Variants in EYS observed in about 807,000 individuals in gnomAD.
The protein encoded by EYS is protein eyes shut homolog.
In EYS, 250 loss-of-function variants were observed where a neutral mutation model predicts 282.1. The observed-to-expected ratio is 0.89, with a 90% CI of 0.80 to 0.98. EYS has a LOEUF of 0.98. EYS is among the 50% of genes least tolerant of loss of function. EYS has a pLI of 0.00. For synonymous variants in EYS, 1,355 were observed against 1,282.9 expected, an observed-to-expected ratio of 1.06 and a Z score of -1.20; for missense variants, 4,016 against 3,709.0, an observed-to-expected ratio of 1.08 and a Z score of -2.15.
intron 5 of EYS, among the ~76,000 whole-genome samples, chr6:65,453,268 A>C (rs1017651071): frequency 6.6e-6 from 1 of 152,002 alleles, no homozygotes; most frequent in Non-Finnish European, 1.5e-5. Context: ...GTAGGCTAGG[A>C]CATTTAGATA....
intron 22 of EYS, among the ~76,000 whole-genome samples, chr6:64,647,834 T>C (rs1201484041): frequency 6.6e-6 from 1 of 152,186 alleles, no homozygotes; most frequent in Non-Finnish European, 1.5e-5. Context: ...TAGGAACCTT[T>C]TTGCTTATTT....
intron 34 of EYS, among the ~76,000 whole-genome samples, chr6:63,997,060 T>C (rs908073798): frequency 5.9e-5 from 9 of 152,338 alleles, no homozygotes; most frequent in African/African-American, 1.9e-4. Context: ...TAAATTATAA[T>C]GAGTAGAGGC....
intron 2 of EYS, among the ~76,000 whole-genome samples, chr6:65,513,286 T>C (rs1034963269): frequency 9.3e-5 from 14 of 150,766 alleles, no homozygotes; most frequent in African/African-American, 3.4e-4. Flanking sequence ...TCTGAAATTG[T>C]GGCAATAATC....
At chr6:64,744,825 AAAT>A (rs1772499741) in intron 22 of EYS, among the ~76,000 whole-genome samples, 1 of 152,202 alleles carries the variant, frequency 6.6e-6, no homozygotes, top group African/African-American at 2.4e-5. Flanking sequence ...ATTGCTAAAA[AAAT>A]AATATTTGAC....
At chr6:65,467,097 A>G (rs556639724) in intron 5 of EYS, among the ~76,000 whole-genome samples, 43 of 152,280 alleles carry the variant, frequency 2.8e-4, no homozygotes, top group African/African-American at 9.9e-4. Flanking sequence ...ATAGCTAAAA[A>G]TCTTCTTGTT....
intron 12 of EYS, among the ~76,000 whole-genome samples, chr6:65,266,989 T>TAGAGAG (rs1554173094): frequency 0.014 from 1,934 of 142,106 alleles, 34 homozygotes; most frequent in African/African-American, 0.033. Flanking sequence ...TATATATATA[T>TAGAGAG]AGAGAGAGAG....
At chr6:65,150,089 G>T (rs1015063782) in intron 12 of EYS, among the ~76,000 whole-genome samples, 8 of 151,858 alleles carry the variant, frequency 5.3e-5, no homozygotes, top group Admixed American at 4.6e-4. Flanking sequence ...CTTCACACTG[G>T]GTCCTTCCCA....
chr6:64,587,451 T>C (rs1196276063), intron 26 of EYS, among the ~76,000 whole-genome samples: 2 of 152,040 alleles, frequency 1.3e-5, no homozygotes, highest in Non-Finnish European at 2.9e-5. Flanking sequence ...GATTTTTGCA[T>C]TGTAGAACAT....
chr6:65,683,775 C>G lies in EYS; in HGVS notation c.-448+23360G>C, dbSNP rs111741416. ...AGCAGATTCATATTTTCTTCCACAA[C>G]CCACTGGGTCTAGGACATATACTCA... On this transcript the variant is annotated intron_variant, in intron 1 of 42. Transcript: ENST00000503581. Among the ~76,000 whole-genome samples the G allele has an allele frequency of 1.1e-3, 171 of 152,096 alleles. 1 individual carries two copies. The highest frequency in any genetic ancestry group is 3.4e-3 in the Middle Eastern group (1 of 294).
chr6:64,216,220 A>C (rs1765922847), intron 31 of EYS, among the ~76,000 whole-genome samples: 1 of 152,220 alleles, frequency 6.6e-6, no homozygotes, highest in African/African-American at 2.4e-5. Context: ...AGTCCAAGAG[A>C]AGACCCCAGG....
intron 12 of EYS, among the ~76,000 whole-genome samples, chr6:65,281,149 GA>G (rs1286744484): frequency 3.3e-5 from 5 of 150,928 alleles, no homozygotes; most frequent in African/African-American, 9.7e-5. Flanking sequence ...GTGATACTTG[GA>G]AAATCTGGAA....
At chr6:64,448,428 G>A (rs901455938) in intron 26 of EYS, among the ~76,000 whole-genome samples, 3 of 152,208 alleles carry the variant, frequency 2.0e-5, no homozygotes, top group African/African-American at 7.2e-5. Context: ...CCACCTCTGG[G>A]GGCAGGGCAC....
At chr6:65,176,299 ATG>A (rs1291478794) in intron 12 of EYS, among the ~76,000 whole-genome samples, 1 of 151,610 alleles carries the variant, frequency 6.6e-6, no homozygotes, top group East Asian at 2.0e-4. Flanking sequence ...TGTCCTTGTT[ATG>A]CATAGCTAAA....
chr6:65,094,121 A>C (rs560078753), intron 12 of EYS, among the ~76,000 whole-genome samples: 1 of 151,740 alleles, frequency 6.6e-6, no homozygotes, highest in South Asian at 2.1e-4. Flanking sequence ...CACAGGAAAC[A>C]AAGAAGATTA....
intron 40 of EYS, among the ~76,000 whole-genome samples, chr6:63,769,229 A>G (rs1486157419): frequency 6.6e-6 from 1 of 152,080 alleles, no homozygotes; most frequent in African/African-American, 2.4e-5. Context: ...AGAAAAGTTG[A>G]AAAAAACCCC....
intron 24 of EYS, among the ~76,000 whole-genome samples, chr6:64,615,458 T>A (rs1433366508): frequency 6.6e-6 from 1 of 152,154 alleles, no homozygotes; most frequent in Non-Finnish European, 1.5e-5. Flanking sequence ...TTTTATCAAA[T>A]ATTTTGAATA....
chr6:64,763,367 T>A (rs1773223285), intron 22 of EYS, among the ~76,000 whole-genome samples: 1 of 152,124 alleles, frequency 6.6e-6, no homozygotes, highest in African/African-American at 2.4e-5. Flanking sequence ...AGCAAGCTCC[T>A]TCTTCATATG....
At chr6:65,194,968 CATTTA>C (rs1467698855) in intron 12 of EYS, among the ~76,000 whole-genome samples, 3 of 151,490 alleles carry the variant, frequency 2.0e-5, no homozygotes, top group African/African-American at 7.3e-5. Flanking sequence ...TTTTCCTACT[CATTTA>C]ATTTTATTAC....
At chr6:64,685,346 A>T (rs1486786954) in intron 22 of EYS, among the ~76,000 whole-genome samples, 2 of 152,216 alleles carry the variant, frequency 1.3e-5, no homozygotes, top group African/African-American at 4.8e-5. Context: ...GAAGTTGTGA[A>T]TTAAATTATT....
Sources: allele counts gnomAD v4.1 joint callset (sites outside exome capture counted in the v4.1 genomes callset), GRCh38; gene constraint gnomAD v4.1.1; transcripts MANE v1.5; gene names NCBI Gene and HGNC (gene_info 2026-07-23, HGNC 2026-07-21).